The following TRPM5 variants were observed in gnomAD, a reference collection of about 807,000 sequenced individuals.
TRPM5 encodes MLSN1 and TRP-related.
A neutral mutation model predicts 124.9 loss-of-function variants in TRPM5; 121 were observed. The observed-to-expected ratio is 0.97, with a 90% CI of 0.84 to 1.13. TRPM5 has a LOEUF of 1.13. Among genes scored for constraint, TRPM5 ranks in the 50% most tolerant of loss-of-function variants. The pLI is 0.00. For synonymous variants in TRPM5, 781 were observed against 700.5 expected, an observed-to-expected ratio of 1.11 and a Z score of -1.81; for missense variants, 1,643 against 1,589.1, an observed-to-expected ratio of 1.03 and a Z score of -0.58.
the TRPM5 span, among the ~76,000 whole-genome samples, chr11:2,433,106 G>A: frequency 6.6e-6 from 1 of 152,262 alleles, no homozygotes; most frequent in Non-Finnish European, 1.5e-5. Context: ...CATCCTTGCA[G>A]CATCACCTTT....
At chr11:2,420,925 C>G in intron 3 of TRPM5, 107 bp downstream of exon 8, 1 of 1,279,144 alleles carries the variant, frequency 7.8e-7, no homozygotes, top group Non-Finnish European at 1.0e-6. Flanking sequence ...CCTGCTCTTC[C>G]TCCAGCTCGA....
chr11:2,410,487 CA>C (rs1160592369), intron 18 of TRPM5, among the ~76,000 whole-genome samples: 1 of 152,282 alleles, frequency 6.6e-6, no homozygotes, highest in East Asian at 1.9e-4. Context: ...TCGAGGGCCC[CA>C]GGGGCGGGCT....
chr11:2,419,270 T>C (rs1373860682), intron 4 of TRPM5, among the ~76,000 whole-genome samples: 1 of 152,156 alleles, frequency 6.6e-6, no homozygotes, highest in Non-Finnish European at 1.5e-5. Flanking sequence ...ACCCTCCGCC[T>C]GTGTCCCTAG....
chr11:2,431,052 A>G, the TRPM5 span, among the ~76,000 whole-genome samples: 1 of 152,054 alleles, frequency 6.6e-6, no homozygotes, highest in African/African-American at 2.4e-5. Flanking sequence ...CTGGATGGGA[A>G]GGCTCCAGGT....
chr11:2,406,065 C>T (rs1289458595), exon 22 of TRPM5: 29 of 1,612,088 alleles, frequency 1.8e-5, no homozygotes, highest in Non-Finnish European at 2.4e-5. Flanking sequence ...TCTCAGACCC[C>T]CGAGGTACTT....
At chr11:2,408,310 A>T (rs1432768044) in intron 18 of TRPM5, among the ~76,000 whole-genome samples, 1 of 152,176 alleles carries the variant, frequency 6.6e-6, no homozygotes, top group Non-Finnish European at 1.5e-5. Context: ...CTCCTCCGAA[A>T]AAAGCCTCTG....
chr11:2,423,064 C>T (rs778050073), upstream of TRPM5: 2 of 1,585,794 alleles, frequency 1.3e-6, no homozygotes, highest in Admixed American at 1.7e-5. Flanking sequence ...CAGGGATACC[C>T]TGGCCCTTGA....
upstream of TRPM5, among the ~76,000 whole-genome samples, chr11:2,426,669 G>T (rs372590413): frequency 1.3e-5 from 2 of 152,166 alleles, no homozygotes; most frequent in East Asian, 3.9e-4. Context: ...CAGGCCCTGG[G>T]GTCCCAGCCC....
chr11:2,420,512 G>A (rs1452210127), intron 3 of TRPM5, 107 bp from the exon 9 acceptor site: 32 of 1,161,340 alleles, frequency 2.8e-5, no homozygotes, highest in Middle Eastern at 2.9e-4. Context: ...ATGGGGCCCC[G>A]CACAAGGCTT....
chr11:2,405,900 G>A (rs1336771023), intron 22 of TRPM5, 119 bp downstream of exon 27: 6 of 968,068 alleles, frequency 6.2e-6, no homozygotes, highest in Non-Finnish European at 9.5e-6. Flanking sequence ...GGGTGCTCCT[G>A]TCCTGGCTCT....
At chr11:2,430,275 C>T in the TRPM5 span, among the ~76,000 whole-genome samples, 1 of 147,138 alleles carries the variant, frequency 6.8e-6, no homozygotes, top group African/African-American at 2.5e-5. Flanking sequence ...TGGGTGCTGG[C>T]TTGCACTCAC....
upstream of TRPM5, among the ~76,000 whole-genome samples, chr11:2,426,782 G>A (rs1845843930): frequency 6.6e-6 from 1 of 152,192 alleles, no homozygotes. Flanking sequence ...CAAGGGGAGG[G>A]TGCCAGAAAG....
In TRPM5 at chr11:2,420,414, A is replaced by C. The variant is rs903708037; in HGVS notation, c.466-9T>G. On this transcript the variant is annotated splice_polypyrimidine_tract_variant and intron_variant, in intron 3 of 23. Coordinates refer to ENST00000155858, the Ensembl canonical transcript of TRPM5. Reference sequence around the variant, plus strand: ...TGGACAGGAAAATCCTCCTGCGCCCATGCAGGGAGACGAGGCTGAGCCCTC... The same window carrying C: ...TGGACAGGAAAATCCTCCTGCGCCCCTGCAGGGAGACGAGGCTGAGCCCTC... The C allele has an allele frequency of 6.3e-7, 1 of 1,599,186 alleles. No individual in the cohort carries two copies. The highest frequency in any genetic ancestry group is 1.7e-5 in the Admixed American group (1 of 59,436).
At chr11:2,409,635 C>T (rs800348) in intron 18 of TRPM5, among the ~76,000 whole-genome samples, 96,233 of 152,094 alleles carry the variant, frequency 0.63, 31,123 homozygotes, top group African/African-American at 0.77. Context: ...TGAATAACTC[C>T]CTGCCTAGCA....
At chr11:2,405,900 G>C (rs1336771023) in intron 22 of TRPM5, 119 bp downstream of exon 27, 1 of 968,068 alleles carries the variant, frequency 1.0e-6, no homozygotes, top group Non-Finnish European at 1.6e-6. Flanking sequence ...GGGTGCTCCT[G>C]TCCTGGCTCT....
chr11:2,418,336 T>C (rs867652503), exon 6 of TRPM5: 1 of 1,560,918 alleles, frequency 6.4e-7, no homozygotes, highest in African/African-American at 1.4e-5. Context: ...CGGGGCAGCC[T>C]GCTCCACGGC....
At chr11:2,405,430 G>A in intron 23 of TRPM5, 97 bp downstream of exon 28, 1 of 1,297,008 alleles carries the variant, frequency 7.7e-7, no homozygotes, top group Non-Finnish European at 1.1e-6. Flanking sequence ...GGGCCAGGCA[G>A]GGAAGGCAGA....
At chr11:2,404,960 C>T (rs571886221) in exon 24 of TRPM5, 9 of 1,612,462 alleles carry the variant, frequency 5.6e-6, no homozygotes, top group East Asian at 2.2e-5. Context: ...GGAGGCTGGC[C>T]AGCCCCGGGT....
chr11:2,413,099 G>A, intron 14 of TRPM5, 35 bp downstream of exon 19: 1 of 1,549,528 alleles, frequency 6.5e-7, no homozygotes, highest in Non-Finnish European at 8.7e-7. Flanking sequence ...CCACCCGCCA[G>A]TCCCCTCCAC....
Sources: gnomAD v4.1 joint callset for allele counts (sites outside exome capture counted in the v4.1 genomes callset) on GRCh38, gnomAD v4.1.1 for gene constraint, MANE v1.5 for transcripts, NCBI Gene and HGNC (gene_info 2026-07-23, HGNC 2026-07-21) for gene names.